NRXN1: variants seen among roughly 807,000 people sequenced by gnomAD.
The protein encoded by NRXN1 is neurexin-1.
NRXN1 carries 39 observed loss-of-function variants against 150.9 expected under a neutral mutation model. The ratio of observed to expected loss-of-function variants is 0.26; its 90% CI spans 0.20 to 0.34. The LOEUF is 0.34. Ranked by LOEUF, NRXN1 falls within the 10% of genes least tolerant of loss-of-function variation. The pLI, the probability that NRXN1 is intolerant of heterozygous loss-of-function variation, is 1.00. For missense variants in NRXN1, 1,815 were observed against 1,949.9 expected, an observed-to-expected ratio of 0.93 and a Z score of 1.30; for synonymous variants, 924 against 757.0, an observed-to-expected ratio of 1.22 and a Z score of -3.62.
chr2:50,795,889 A>G (rs112919251), intron 5 of NRXN1, among the ~76,000 whole-genome samples: 43 of 152,102 alleles, frequency 2.8e-4, no homozygotes, highest in African/African-American at 9.9e-4. Context: ...TTGGCTCACA[A>G]TCAGTGCATA....
chr2:49,922,057 A>G lies in NRXN1; in HGVS notation c.4411T>C (p.Tyr1471His), dbSNP rs1255941278. 2 of 1,613,964 alleles carry G rather than the reference A, an allele frequency of 1.2e-6. No individual in the cohort carries two copies. The highest frequency in any genetic ancestry group is 1.7e-6 in the Non-Finnish European group (2 of 1,180,018). Residue 1471 changes from tyrosine (Y) to histidine (H), a missense_variant, in exon 23 of 23, where the codon TAC becomes CAC. Around this residue, in one of 6 missense-constraint regions of NRXN1, gnomAD observed 265 missense variants for 307.1 expected, o/e 0.86. Transcript: ENST00000401669. ...TTGGACTGTGCTGAGTTACTGATGT[A>G]GTTTCGACTCTCGTCCACATGGTAT... The part of the protein sequence containing the change: ...GSYHVDESRN[Y>H]ISNSAQSNGA...
chr2:50,829,213 A>G (rs1387150871), intron 5 of NRXN1, among the ~76,000 whole-genome samples: 1 of 151,738 alleles, frequency 6.6e-6, no homozygotes, highest in Non-Finnish European at 1.5e-5. Flanking sequence ...TCAGAGGGAG[A>G]CCGTGGAAAG....
intron 5 of NRXN1, among the ~76,000 whole-genome samples, chr2:50,882,340 A>C (rs1052698615): frequency 6.6e-5 from 10 of 151,936 alleles, no homozygotes; most frequent in African/African-American, 2.4e-4. Context: ...AAAGTATATA[A>C]TAACTTCATT....
At chr2:50,860,748 C>T (rs915768542) in intron 5 of NRXN1, among the ~76,000 whole-genome samples, 38 of 152,200 alleles carry the variant, frequency 2.5e-4, no homozygotes, top group African/African-American at 8.7e-4. Flanking sequence ...CCAGGCCATA[C>T]TGAAAAGCGA....
rs776297178 is a variant in NRXN1 at position 50,053,233 on chromosome 2, A to G, written c.4128+38T>C. ...AGAAAAGCCCACTATCATAAATAATATAGGATGAAAATGAAGGAATAAAAT... is the reference window on the plus strand; with the variant it reads ...AGAAAAGCCCACTATCATAAATAATGTAGGATGAAAATGAAGGAATAAAAT... On this transcript the variant is annotated intron_variant, in intron 21 of 22. Coordinates refer to ENST00000401669, the MANE Select transcript of NRXN1 (RefSeq NM_001330078.2). 5.6e-6 allele frequency: 9 copies of G among 1,601,550 alleles called. No homozygotes were observed. In the East Asian group the frequency reaches 1.8e-4, roughly 32 times the overall value.
chr2:50,512,853 C>T (rs747634813), intron 12 of NRXN1, among the ~76,000 whole-genome samples: 23 of 152,194 alleles, frequency 1.5e-4, no homozygotes, highest in Non-Finnish European at 2.6e-4. Context: ...AAGAACCTCA[C>T]TGCCATACAC....
intron 21 of NRXN1, among the ~76,000 whole-genome samples, chr2:50,031,289 G>C (rs1025126198): frequency 3.3e-5 from 5 of 151,844 alleles, no homozygotes; most frequent in African/African-American, 9.7e-5. Flanking sequence ...TGCTAATCTT[G>C]GTGTGTTTTT....
chr2:50,106,213 C>G (rs751132211), intron 18 of NRXN1, among the ~76,000 whole-genome samples: 4 of 151,726 alleles, frequency 2.6e-5, no homozygotes, highest in Non-Finnish European at 4.4e-5. Flanking sequence ...TTATTACCAT[C>G]TTTTCTTTCT....
At chr2:50,462,926 G>C (rs1018015278) in intron 17 of NRXN1, among the ~76,000 whole-genome samples, 52 of 151,692 alleles carry the variant, frequency 3.4e-4, no homozygotes, top group African/African-American at 1.2e-3. Flanking sequence ...GGGGAGGGAA[G>C]GTCTCATTTG....
chr2:50,892,471 A>C (rs935760801), intron 5 of NRXN1, among the ~76,000 whole-genome samples: 4 of 152,156 alleles, frequency 2.6e-5, no homozygotes, highest in African/African-American at 9.6e-5. Flanking sequence ...CATTCAAAAA[A>C]TAATATACAC....
intron 18 of NRXN1, among the ~76,000 whole-genome samples, chr2:50,222,620 A>T (rs940981144): frequency 1.3e-5 from 2 of 151,950 alleles, no homozygotes; most frequent in African/African-American, 4.8e-5. Flanking sequence ...ATGCTGAAAA[A>T]ATTAAAATAC....
At chr2:50,110,770 A>T (rs1702276079) in intron 18 of NRXN1, among the ~76,000 whole-genome samples, 1 of 152,122 alleles carries the variant, frequency 6.6e-6, no homozygotes. Context: ...AACTGATTAA[A>T]TATTTTCCCC....
At chr2:50,564,017 A>G (rs149885393) in intron 8 of NRXN1, among the ~76,000 whole-genome samples, 21 of 152,366 alleles carry the variant, frequency 1.4e-4, no homozygotes, top group African/African-American at 1.7e-4. Context: ...GAGAAGTTGT[A>G]TAAGTTTGTT....
At chr2:51,030,383 G>T (rs996791157) in intron 1 of NRXN1, among the ~76,000 whole-genome samples, 1 of 151,858 alleles carries the variant, frequency 6.6e-6, no homozygotes, top group East Asian at 2.0e-4. Flanking sequence ...TTATGGCACC[G>T]CATTGTGCTG....
At chr2:49,990,643 A>G (rs1238204967) in intron 21 of NRXN1, among the ~76,000 whole-genome samples, 2 of 152,118 alleles carry the variant, frequency 1.3e-5, no homozygotes, top group Non-Finnish European at 2.9e-5. Context: ...TACTGATAAC[A>G]TATCAGTAAG....
intron 17 of NRXN1, among the ~76,000 whole-genome samples, chr2:50,288,176 T>C (rs2072442446): frequency 6.6e-6 from 1 of 152,166 alleles, no homozygotes; most frequent in Non-Finnish European, 1.5e-5. Flanking sequence ...ACACCAATTT[T>C]CTAGGAGTTT....
chr2:50,347,419 GACTAGGGAGGCC>G lies in NRXN1; in HGVS notation c.3365-110461_3365-110450del. The G allele has an allele frequency of 8.7e-7, 1 of 1,155,646 alleles. No individual in the cohort carries two copies. Among genetic ancestry groups the G allele is most frequent in the South Asian group, 1.6e-5 (1 of 61,742 alleles). The allele number at this position is 1,155,646 out of a possible 1,614,324, so 71.6% of individuals were successfully genotyped here. A position where few individuals can be genotyped will look rare whatever the true frequency, so the allele number is the denominator to read the frequency against. ...AAATCCATTTAGCTTTGTGTGCGGG[GACTAGGGAGGCC>G]ACTTCGCCGGCCCAACCTCCTTTCA... On this transcript the variant is annotated intron_variant, in intron 17 of 22. Transcript: ENST00000401669. The surrounding 1 kb of genome is among the most constrained non-coding windows in gnomAD (Gnocchi z 4.9).
chr2:50,181,383 G>A (rs1015328344), intron 18 of NRXN1, among the ~76,000 whole-genome samples: 1 of 151,976 alleles, frequency 6.6e-6, no homozygotes, highest in African/African-American at 2.4e-5. Context: ...ATATGAACAT[G>A]GTCTTATAAT....
At chr2:50,497,811 C>G in intron 13 of NRXN1, 97 bp from the exon 14 acceptor site, 5 of 1,103,862 alleles carry the variant, frequency 4.5e-6, no homozygotes, top group Non-Finnish European at 6.5e-6. Flanking sequence ...ATACAAGGAG[C>G]CAAATCCCTC....
Sources: allele counts gnomAD v4.1 joint callset (sites outside exome capture counted in the v4.1 genomes callset), GRCh38; gene constraint gnomAD v4.1.1; regional missense constraint gnomAD v4.1.1; non-coding constraint Gnocchi (gnomAD v3.1); transcripts MANE v1.5; gene names NCBI Gene and HGNC (gene_info 2026-07-23, HGNC 2026-07-21).